CNTN4: variants seen among roughly 807,000 people sequenced by gnomAD.
The protein encoded by CNTN4 is contactin 4.
Under a neutral mutation model 122.5 loss-of-function variants are expected in CNTN4, and 77 were observed. The observed-to-expected ratio is 0.63, with a 90% CI of 0.52 to 0.76. The LOEUF (loss-of-function observed/expected upper bound fraction) is 0.76, where lower values mean the gene tolerates loss of function less well. Among genes scored for constraint, CNTN4 ranks in the 30% least tolerant of loss-of-function variants. The pLI, the probability that CNTN4 is intolerant of heterozygous loss-of-function variation, is 0.00. For missense variants in CNTN4, 1,256 were observed against 1,259.1 expected, an observed-to-expected ratio of 1.00 and a Z score of 0.04; for synonymous variants, 512 against 447.0, an observed-to-expected ratio of 1.15 and a Z score of -1.83.
intron 13 of CNTN4, among the ~76,000 whole-genome samples, chr3:2,985,974 G>A (rs1019827679): frequency 2.0e-5 from 3 of 148,440 alleles, no homozygotes; most frequent in African/African-American, 7.5e-5. Context: ...GAGTGTAGTG[G>A]TGCCATCTCG....
intron 3 of CNTN4, among the ~76,000 whole-genome samples, chr3:2,480,253 G>A (rs1233287532): frequency 6.6e-6 from 1 of 152,018 alleles, no homozygotes; most frequent in Non-Finnish European, 1.5e-5. Flanking sequence ...CATCATACTA[G>A]ATGTTTTTAG....
At chr3:2,703,946 A>C (rs1017824836) in intron 4 of CNTN4, among the ~76,000 whole-genome samples, 1 of 152,132 alleles carries the variant, frequency 6.6e-6, no homozygotes, top group Non-Finnish European at 1.5e-5. Context: ...CCATATAATT[A>C]TTAGGGAAGA....
intron 2 of CNTN4, among the ~76,000 whole-genome samples, chr3:2,294,288 C>CTTTTTTTTTTTTTT (rs71058604): frequency 2.3e-4 from 31 of 135,604 alleles, no homozygotes; most frequent in African/African-American, 7.1e-4. Flanking sequence ...AGAGTTGTGA[C>CTTTTTTTTTTTTTT]TTTTTTTTTT....
rs111909856 is a variant in CNTN4 at position 2,154,390 on chromosome 3, A to T, written c.-145+53751A>T. Reference sequence around the variant, plus strand: ...AAGTGACACTGTCTCAAAAAAAAAAAAAATAAAAGTGGATATGGTAATTTT... The same window carrying T: ...AAGTGACACTGTCTCAAAAAAAAAATAAATAAAAGTGGATATGGTAATTTT... On this transcript the variant is annotated intron_variant, in intron 2 of 24. Transcript: ENST00000418658. Among the ~76,000 whole-genome samples, 677 of 152,128 alleles carry T rather than the reference A, an allele frequency of 4.5e-3. 4 individuals are homozygous for T. The highest frequency in any genetic ancestry group is 0.015 in the African/African-American group (642 of 41,486).
Position 2,473,907 on chromosome 3 carries a change from G to A in CNTN4, c.-88-97509G>A, listed in dbSNP as rs141142276. Among the ~76,000 whole-genome samples the A allele has an allele frequency of 2.5e-3, 375 of 152,110 alleles. 1 individual carries two copies. The highest frequency in any genetic ancestry group is 8.9e-3 in the African/African-American group (368 of 41,484). On this transcript the variant is annotated intron_variant, in intron 3 of 24. Coordinates refer to ENST00000418658, the MANE Select transcript of CNTN4 (RefSeq NM_175607.3). ...CATGCCTGTAATCTCAGCTACTCGG[G>A]AGGCTGAGGCAGGAGAATCACTTGA... is the stretch of plus-strand genomic sequence containing the variant.
rs532087756 is a variant in CNTN4 at position 2,539,318 on chromosome 3, G to A, written c.-88-32098G>A. ...CTGAATATATTGTGTCCTTTATCAG[G>A]TGAATGCTTTCGCTGTTGATATGAA... is the stretch of plus-strand genomic sequence containing the variant. On this transcript the variant is annotated intron_variant, in intron 3 of 24. Transcript: ENST00000418658. Among the ~76,000 whole-genome samples, 4 of 152,090 alleles carry A rather than the reference G, an allele frequency of 2.6e-5. No homozygotes were observed. In the East Asian group the frequency reaches 7.8e-4, roughly 29 times the overall value.
At chr3:2,335,374 C>G (rs1001691200) in intron 2 of CNTN4, among the ~76,000 whole-genome samples, 1 of 152,068 alleles carries the variant, frequency 6.6e-6, no homozygotes, top group East Asian at 1.9e-4. Flanking sequence ...TGGATTACCT[C>G]AGTCTAGCCT....
At chr3:2,187,298 A>G (rs540347097) in intron 2 of CNTN4, among the ~76,000 whole-genome samples, 42 of 152,260 alleles carry the variant, frequency 2.8e-4, no homozygotes, top group South Asian at 6.2e-4. Context: ...TCTCTGTTTT[A>G]GTACCAGTAC....
chr3:2,605,615 A>G (rs1282269932), intron 4 of CNTN4, among the ~76,000 whole-genome samples: 1 of 152,128 alleles, frequency 6.6e-6, no homozygotes, highest in African/African-American at 2.4e-5. Flanking sequence ...CTTAGACCCA[A>G]GTGGTGGAGG....
intron 2 of CNTN4, among the ~76,000 whole-genome samples, chr3:2,191,422 G>A (rs555662878): frequency 7.7e-4 from 117 of 152,092 alleles, no homozygotes; most frequent in South Asian, 1.0e-3. Flanking sequence ...AGCACACCCC[G>A]TAGTAGACAA....
intron 3 of CNTN4, among the ~76,000 whole-genome samples, chr3:2,560,413 A>T (rs2078903598): frequency 1.3e-5 from 2 of 152,112 alleles, no homozygotes; most frequent in East Asian, 1.9e-4. Context: ...AAATTTGGGG[A>T]TTACAAATGT....
chr3:2,537,341 A>T (rs572008927), intron 3 of CNTN4, among the ~76,000 whole-genome samples: 66 of 152,146 alleles, frequency 4.3e-4, no homozygotes, highest in African/African-American at 1.5e-3. Context: ...AGTCTGAAGG[A>T]TAATAACTGA....
chr3:2,559,220 G>A (rs1249706113), intron 3 of CNTN4, among the ~76,000 whole-genome samples: 1 of 152,188 alleles, frequency 6.6e-6, no homozygotes, highest in Non-Finnish European at 1.5e-5. Context: ...TCCATGTGCT[G>A]TAATTCTGTC....
chr3:2,639,453 A>G lies in CNTN4; in HGVS notation c.55+67895A>G, dbSNP rs950550066. Among the ~76,000 whole-genome samples the G allele has an allele frequency of 6.6e-5, 10 of 151,934 alleles. No homozygotes were observed. The South Asian group carries it at 1.2e-3, about 19-fold the overall frequency. ...CTTAATGAAGCTATTCTAAACACCT[A>G]TTTCCTACTGCATCTTACGCACTTC... On this transcript the variant is annotated intron_variant, in intron 4 of 24. Transcript: ENST00000418658.
At chr3:2,566,815 A>C (rs962100572) in intron 3 of CNTN4, among the ~76,000 whole-genome samples, 1 of 152,214 alleles carries the variant, frequency 6.6e-6, no homozygotes, top group African/African-American at 2.4e-5. Context: ...GGAAGAACTC[A>C]GTGTGCGTGA....
chr3:2,620,935 C>T (rs1398293709), intron 4 of CNTN4, among the ~76,000 whole-genome samples: 1 of 152,096 alleles, frequency 6.6e-6, no homozygotes, highest in Non-Finnish European at 1.5e-5. Context: ...AAGACACAAA[C>T]CTAAACATGA....
chr3:2,193,695 T>C (rs1461840331), intron 2 of CNTN4, among the ~76,000 whole-genome samples: 2 of 152,210 alleles, frequency 1.3e-5, no homozygotes, highest in East Asian at 1.9e-4. Context: ...TGCATGACTA[T>C]GGCCCCATAA....
At chr3:2,501,709 T>C (rs1336365946) in intron 3 of CNTN4, among the ~76,000 whole-genome samples, 2 of 152,188 alleles carry the variant, frequency 1.3e-5, no homozygotes. Flanking sequence ...ACCCATATAA[T>C]CTAGGATAAC....
intron 3 of CNTN4, among the ~76,000 whole-genome samples, chr3:2,442,893 A>G (rs1559556482): frequency 6.6e-6 from 1 of 152,186 alleles, no homozygotes; most frequent in Non-Finnish European, 1.5e-5. Context: ...TTGTCTCTGA[A>G]GAAGTATTTC....
Sources: allele counts gnomAD v4.1 joint callset (sites outside exome capture counted in the v4.1 genomes callset), GRCh38; gene constraint gnomAD v4.1.1; transcripts MANE v1.5; gene names NCBI Gene and HGNC (gene_info 2026-07-23, HGNC 2026-07-21).